Variants in MBOAT2 observed in about 807,000 individuals in gnomAD.
MBOAT2 encodes membrane bound glycerophospholipid O-acyltransferase 2.
MBOAT2 carries 28 observed loss-of-function variants against 63.4 expected under a neutral mutation model. The ratio of observed to expected loss-of-function variants is 0.44; its 90% CI spans 0.33 to 0.61. MBOAT2 has a LOEUF of 0.61. MBOAT2 is among the 20% of genes least tolerant of loss of function. MBOAT2 has a pLI of 0.03. For missense variants in MBOAT2, 470 were observed against 605.8 expected, an observed-to-expected ratio of 0.78 and a Z score of 2.35; for synonymous variants, 211 against 215.6, an observed-to-expected ratio of 0.98 and a Z score of 0.19.
At chr2:8,899,645 G>T (rs141470761) in intron 4 of MBOAT2, among the ~76,000 whole-genome samples, 2 of 152,176 alleles carry the variant, frequency 1.3e-5, no homozygotes, top group Admixed American at 1.3e-4. Flanking sequence ...ACTGCATAGC[G>T]GACATGGATG....
At chr2:8,882,092 C>T (rs935389548) in intron 6 of MBOAT2, among the ~76,000 whole-genome samples, 4 of 152,096 alleles carry the variant, frequency 2.6e-5, no homozygotes, top group Admixed American at 6.5e-5. Context: ...AATATGGCAT[C>T]GATGTGCTAT....
chr2:8,947,002 A>T (rs2103248116), intron 2 of MBOAT2, among the ~76,000 whole-genome samples: 1 of 152,380 alleles, frequency 6.6e-6, no homozygotes, highest in African/African-American at 2.4e-5. Context: ...AAAAGCCAAG[A>T]CAGGCTGAAA....
chr2:8,877,220 T>G lies in MBOAT2; in HGVS notation c.507-7A>C. ...CAGTAAGCTTGGCATGCGCCTGCAA[T>G]GAAAAGACATGCAACCAGTGAGATG... On this transcript the variant is annotated splice_polypyrimidine_tract_variant and splice_region_variant and intron_variant, in intron 6 of 12. Transcript: ENST00000305997. The G allele has an allele frequency of 6.2e-7, 1 of 1,607,746 alleles. No individual in the cohort carries two copies. Among genetic ancestry groups the G allele is most frequent in the Non-Finnish European group, 8.5e-7 (1 of 1,177,386 alleles).
At chr2:8,866,024 G>A (rs527979470) in intron 9 of MBOAT2, among the ~76,000 whole-genome samples, 3 of 152,122 alleles carry the variant, frequency 2.0e-5, no homozygotes, top group East Asian at 1.9e-4. Flanking sequence ...GCAACAGAGC[G>A]AGACTTTGTC....
chr2:8,860,674 T>C lies in MBOAT2; in HGVS notation c.1276A>G (p.Ile426Val), dbSNP rs376215272. The C allele has an allele frequency of 3.2e-5, 51 of 1,612,904 alleles. No individual in the cohort carries two copies. Among genetic ancestry groups the C allele is most frequent in the Admixed American group, 5.0e-5 (3 of 59,928 alleles). ...VITWIVTQVAISYTVVPFVLL... is the reference protein window; with the variant it reads ...VITWIVTQVAVSYTVVPFVLL... ...ACAAATGGCACAACTGTGTAACTTA[T>C]TGCTACTTGAGTTACTATCCATGTT... Residue 426 changes from isoleucine to valine, a missense_variant, in exon 12 of 13, where the codon ATA becomes GTA. By Grantham distance (29) the Ile-to-Val change is conservative. Around this residue, in one of 3 missense-constraint regions of MBOAT2, gnomAD observed 376 missense variants for 503.8 expected, o/e 0.75. Transcript: ENST00000305997.
rs1390717433 is a variant in MBOAT2, at chr2:8,860,779, C to CA, written c.1186-16dup. On this transcript the variant is annotated splice_polypyrimidine_tract_variant and intron_variant, in intron 11 of 12. Coordinates refer to ENST00000305997, the MANE Select transcript of MBOAT2 (RefSeq NM_138799.4). ...TTATTTCTCATCTGAAATAAAGAAACAAAAACATTTGCTGTATCTTTAAAT... is the reference window on the plus strand; with the variant it reads ...TTATTTCTCATCTGAAATAAAGAAACAAAAAACATTTGCTGTATCTTTAAAT... 6.5e-7 allele frequency: 1 copy of CA among 1,541,776 alleles called. No individual in the cohort carries two copies.
rs967667476 is a variant in MBOAT2 at position 8,896,238 on chromosome 2, C to CAA, written c.396-8167_396-8166dup. 2.8e-3 allele frequency among the ~76,000 whole-genome samples: 143 copies of CAA among 50,642 alleles called. 2 individuals carry two copies. The highest frequency in any genetic ancestry group is 4.9e-3 in the African/African-American group (70 of 14,374). 33.2% of individuals were successfully genotyped at this position (50,642 alleles called of 152,430 possible). On this transcript the variant is annotated intron_variant, in intron 4 of 12. Coordinates refer to ENST00000305997, the MANE Select transcript of MBOAT2 (RefSeq NM_138799.4). ...TGGGTGACAGAGTGAGACTCCGTCT[C>CAA]AAAAAAAAAAAAAAAAAAAAAGAGT...
At chr2:8,966,602 A>G (rs1670006457) in intron 1 of MBOAT2, among the ~76,000 whole-genome samples, 1 of 152,218 alleles carries the variant, frequency 6.6e-6, no homozygotes, top group South Asian at 2.1e-4. Context: ...CCAGTTAAGT[A>G]AAGATGATAG....
chr2:8,892,058 G>C (rs1042292916), intron 4 of MBOAT2, among the ~76,000 whole-genome samples: 1 of 152,086 alleles, frequency 6.6e-6, no homozygotes, highest in African/African-American at 2.4e-5. Context: ...TCTCTACAAA[G>C]AACAAGAATA....
intron 10 of MBOAT2, 40 bp downstream of exon 10, chr2:8,864,130 C>T (rs750328532): frequency 2.0e-5 from 28 of 1,419,704 alleles, no homozygotes; most frequent in African/African-American, 1.3e-4. Flanking sequence ...GAGAACTAGA[C>T]GCCAAAGCAC....
intron 8 of MBOAT2, among the ~76,000 whole-genome samples, 166 bp from the exon 9 acceptor site, chr2:8,868,715 C>T (rs897372462): frequency 1.8e-4 from 28 of 152,078 alleles, no homozygotes; most frequent in African/African-American, 5.6e-4. Flanking sequence ...AATAACATAT[C>T]TAGGACAATT....
chr2:8,863,952 C>T (rs898984534), intron 10 of MBOAT2, among the ~76,000 whole-genome samples: 1 of 152,172 alleles, frequency 6.6e-6, no homozygotes, highest in Non-Finnish European at 1.5e-5. Context: ...GGCAGGATAG[C>T]TGCACCTGCA....
chr2:8,906,330 T>G (rs1665330770), intron 4 of MBOAT2, among the ~76,000 whole-genome samples: 1 of 152,236 alleles, frequency 6.6e-6, no homozygotes, highest in African/African-American at 2.4e-5. Context: ...TAATGTCAAT[T>G]GTCCTATGAT....
chr2:8,966,996 T>C (rs561571230), intron 1 of MBOAT2, among the ~76,000 whole-genome samples: 54 of 152,270 alleles, frequency 3.5e-4, no homozygotes, highest in African/African-American at 1.3e-3. Context: ...CAATGGGAAA[T>C]CACACAGAAC....
At position 8,972,928 on chromosome 2, in the gene MBOAT2, A is replaced by G. The variant is rs868018876; in HGVS notation, c.76-14286T>C. Among the ~76,000 whole-genome samples, 8 of 152,344 alleles carry G rather than the reference A, an allele frequency of 5.3e-5. No homozygotes were observed. In the South Asian group the frequency reaches 1.0e-3, roughly 20 times the overall value. Reference sequence around the variant, plus strand: ...ACTTTTACACTGTTGATGGGACTGTAAACTGGTTCAACCATTGTGGAAGAC... The same window carrying G: ...ACTTTTACACTGTTGATGGGACTGTGAACTGGTTCAACCATTGTGGAAGAC... On this transcript the variant is annotated intron_variant, in intron 1 of 12. Coordinates refer to ENST00000305997, the MANE Select transcript of MBOAT2 (RefSeq NM_138799.4).
intron 2 of MBOAT2, among the ~76,000 whole-genome samples, chr2:8,953,397 GT>G (rs1668980285): frequency 6.6e-6 from 1 of 152,156 alleles, no homozygotes; most frequent in South Asian, 2.1e-4. Flanking sequence ...ACCTTGGACA[GT>G]CTGGTGACTA....
chr2:8,960,107 G>T (rs563707180), intron 1 of MBOAT2, among the ~76,000 whole-genome samples: 14 of 152,174 alleles, frequency 9.2e-5, no homozygotes, highest in African/African-American at 3.1e-4. Flanking sequence ...CTTTCCAAAA[G>T]GTTCTAATAC....
intron 7 of MBOAT2, among the ~76,000 whole-genome samples, chr2:8,874,024 C>T (rs751445691): frequency 3.9e-5 from 6 of 152,080 alleles, no homozygotes; most frequent in Non-Finnish European, 7.3e-5. Flanking sequence ...AAGAAACAAG[C>T]GAAGAGAAGG....
At chr2:8,883,795 T>C (rs1293991078) in intron 5 of MBOAT2, among the ~76,000 whole-genome samples, 3 of 152,112 alleles carry the variant, frequency 2.0e-5, no homozygotes, top group Non-Finnish European at 4.4e-5. Flanking sequence ...CACAACTTTA[T>C]ACGTAATAGC....
Sources: gnomAD v4.1 joint callset for allele counts (sites outside exome capture counted in the v4.1 genomes callset) on GRCh38, gnomAD v4.1.1 for gene constraint, gnomAD v4.1.1 regional missense constraint, MANE v1.5 for transcripts, NCBI Gene and HGNC (gene_info 2026-07-23, HGNC 2026-07-21) for gene names.